Variants in RARB observed in about 807,000 individuals in gnomAD.
The protein encoded by RARB is retinoic acid receptor beta.
RARB carries 17 observed loss-of-function variants against 51.9 expected under a neutral mutation model. That is an observed-to-expected ratio of 0.33 (90% confidence interval 0.22 to 0.49). The LOEUF (loss-of-function observed/expected upper bound fraction) is 0.49. Among genes scored for constraint, RARB ranks in the 20% least tolerant of loss-of-function variants. The probability of loss-of-function intolerance (pLI) is 0.99; values close to 1 mark genes in which losing one functional copy is unlikely to be tolerated. For synonymous variants in RARB, 215 were observed against 195.4 expected, an observed-to-expected ratio of 1.10 and a Z score of -0.84; for missense variants, 369 against 550.8, an observed-to-expected ratio of 0.67 and a Z score of 3.30.
At chr3:25,304,695 T>A (rs531824112) in intron 5 of RARB, among the ~76,000 whole-genome samples, 18 of 152,194 alleles carry the variant, frequency 1.2e-4, no homozygotes, top group Admixed American at 3.9e-4. Context: ...GTTATTATAA[T>A]AGTTAATTAG....
intron 2 of RARB, among the ~76,000 whole-genome samples, chr3:24,990,397 A>G (rs1191110696): frequency 2.7e-5 from 2 of 73,242 alleles, no homozygotes; most frequent in Non-Finnish European, 4.9e-5. Context: ...TCATTGTTCA[A>G]TTGCCATCTA....
intron 4 of RARB, among the ~76,000 whole-genome samples, chr3:25,148,012 C>A (rs1336466648): frequency 6.6e-6 from 1 of 152,228 alleles, no homozygotes; most frequent in Non-Finnish European, 1.5e-5. Context: ...CCACATTCCT[C>A]CTCTGGTCTG....
At chr3:25,487,177 A>G (rs1483942124) in intron 2 of RARB, among the ~76,000 whole-genome samples, 2 of 152,166 alleles carry the variant, frequency 1.3e-5, no homozygotes, top group South Asian at 2.1e-4. Flanking sequence ...GTCGCGTTTG[A>G]CACAGTAATA....
intron 5 of RARB, among the ~76,000 whole-genome samples, chr3:25,335,818 C>T (rs1021672814): frequency 1.3e-5 from 2 of 152,156 alleles, no homozygotes; most frequent in Admixed American, 1.3e-4. Flanking sequence ...ATTTTGTCAC[C>T]TATGTGGCCA....
At chr3:25,151,611 C>T (rs904592) in intron 4 of RARB, among the ~76,000 whole-genome samples, 61,239 of 152,052 alleles carry the variant, frequency 0.4, 14,365 homozygotes, top group East Asian at 0.67. Flanking sequence ...GCATTATATG[C>T]GTGTTCTTCT....
At chr3:25,453,287 G>A (rs139811912) in intron 1 of RARB, among the ~76,000 whole-genome samples, 1 of 123,456 alleles carries the variant, frequency 8.1e-6, no homozygotes, top group South Asian at 2.6e-4. Context: ...CGCTCTTGCT[G>A]TGCAGGCTGG....
intron 5 of RARB, among the ~76,000 whole-genome samples, chr3:25,411,961 T>C (rs1707573819): frequency 6.6e-6 from 1 of 152,122 alleles, no homozygotes; most frequent in Admixed American, 6.5e-5. Context: ...GCAGCTGACG[T>C]TGGGGAAATG....
intron 2 of RARB, among the ~76,000 whole-genome samples, chr3:24,917,732 G>T (rs897367524): frequency 1.3e-5 from 2 of 152,168 alleles, no homozygotes; most frequent in African/African-American, 4.8e-5. Context: ...TTACCATGTT[G>T]GCCAGGCTGG....
chr3:25,469,735 C>T (rs1695600314), intron 2 of RARB, among the ~76,000 whole-genome samples: 1 of 152,160 alleles, frequency 6.6e-6, no homozygotes, highest in Non-Finnish European at 1.5e-5. Flanking sequence ...TTTTCCAATG[C>T]TGAATCCCAT....
chr3:25,203,085 C>T (rs566729242), intron 5 of RARB, among the ~76,000 whole-genome samples: 1 of 152,122 alleles, frequency 6.6e-6, no homozygotes, highest in African/African-American at 2.4e-5. Flanking sequence ...TTGTAGGTCT[C>T]TAAGGACTTG....
At chr3:25,472,050 T>C (rs1236405381) in intron 2 of RARB, among the ~76,000 whole-genome samples, 1 of 152,242 alleles carries the variant, frequency 6.6e-6, no homozygotes, top group African/African-American at 2.4e-5. Context: ...TAAAACTGTC[T>C]TATATCTTAC....
At chr3:24,870,599 T>A (rs1345934055) in intron 2 of RARB, among the ~76,000 whole-genome samples, 1 of 152,156 alleles carries the variant, frequency 6.6e-6, no homozygotes, top group African/African-American at 2.4e-5. Flanking sequence ...TAGAAACTAA[T>A]TATGTTAATC....
intron 5 of RARB, among the ~76,000 whole-genome samples, chr3:25,373,143 T>A (rs1706353395): frequency 6.6e-6 from 1 of 152,202 alleles, no homozygotes; most frequent in South Asian, 2.1e-4. Flanking sequence ...TCAAGCAGGC[T>A]GTTAGATACA....
chr3:24,958,899 G>A (rs1044845038), intron 2 of RARB, among the ~76,000 whole-genome samples: 2 of 152,174 alleles, frequency 1.3e-5, no homozygotes, highest in African/African-American at 4.8e-5. Flanking sequence ...CCTCATGACA[G>A]GAGTGCCTTG....
At chr3:25,586,647 G>A (rs914102611) in intron 5 of RARB, among the ~76,000 whole-genome samples, 26 of 152,196 alleles carry the variant, frequency 1.7e-4, no homozygotes, top group African/African-American at 5.1e-4. Flanking sequence ...CCCTCCTTCT[G>A]GTGACGCAAA....
intron 6 of RARB, 49 bp downstream of exon 6, chr3:25,593,756 A>G (rs745968400): frequency 3.4e-5 from 52 of 1,550,546 alleles, no homozygotes; most frequent in Non-Finnish European, 4.5e-5. Context: ...AGAACAGTTT[A>G]TACTTGTAAT....
intron 5 of RARB, among the ~76,000 whole-genome samples, chr3:25,358,903 G>T (rs548707593): frequency 6.6e-6 from 1 of 151,576 alleles, no homozygotes; most frequent in South Asian, 2.1e-4. Context: ...GAGGATTTTC[G>T]CATTGATGTT....
intron 5 of RARB, among the ~76,000 whole-genome samples, chr3:25,322,325 A>G (rs549155454): frequency 6.6e-6 from 1 of 152,220 alleles, no homozygotes; most frequent in Admixed American, 6.5e-5. Flanking sequence ...TTGAGATTGC[A>G]AAGTTCTAAA....
intron 5 of RARB, among the ~76,000 whole-genome samples, chr3:25,204,347 T>A (rs1701474311): frequency 6.6e-6 from 1 of 152,234 alleles, no homozygotes; most frequent in Non-Finnish European, 1.5e-5. Context: ...TCAAGGTTTT[T>A]AACTTCTTTG....
Sources: gnomAD v4.1 joint callset for allele counts (sites outside exome capture counted in the v4.1 genomes callset) on GRCh38, gnomAD v4.1.1 for gene constraint, MANE v1.5 for transcripts, NCBI Gene and HGNC (gene_info 2026-07-23, HGNC 2026-07-21) for gene names.